The following RACK1 variants were observed in gnomAD, a reference collection of about 807,000 sequenced individuals.
RACK1 encodes the protein small ribosomal subunit protein RACK1.
Under a neutral mutation model 42.2 loss-of-function variants are expected in RACK1, and 3 were observed. The observed-to-expected ratio is 0.07, with a 90% CI of 0.03 to 0.18. The LOEUF is 0.18. Ranked by LOEUF, RACK1 falls within the 10% of genes least tolerant of loss-of-function variation. The pLI is 1.00. For synonymous variants in RACK1, 181 were observed against 154.8 expected, an observed-to-expected ratio of 1.17 and a Z score of -1.25; for missense variants, 146 against 403.2, an observed-to-expected ratio of 0.36 and a Z score of 5.46.
In RACK1 at chr5:181,236,941, G is replaced by GTTTTTT. The variant is rs11445317; in HGVS notation, c.*30_*35dup. Reference sequence around the variant, plus strand: ...AAAAACCTAAAAGTCAGAAAAGCCAGTTTTTTTTTTATTTGTAAAGCTCTG... The same window carrying GTTTTTT: ...AAAAACCTAAAAGTCAGAAAAGCCAGTTTTTTTTTTTTTTTTATTTGTAAAGCTCTG... On this transcript the variant is annotated 3_prime_UTR_variant, in exon 8 of 8. Transcript: ENST00000512805. 3 of 1,371,370 alleles carry GTTTTTT rather than the reference G, an allele frequency of 2.2e-6. No homozygotes were observed. Among genetic ancestry groups the GTTTTTT allele is most frequent in the African/African-American group, 1.4e-5 (1 of 68,978 alleles). The allele number at this position is 1,371,370 out of a possible 1,614,324, so 85.0% of individuals were successfully genotyped here.
In RACK1 at chr5:181,238,125, C is replaced by T; in HGVS notation, c.751G>A (p.Ala251Thr). ...CAGATCTTGATGCTGGGGCCTGTGG[C>T]AGCACACAGCCAGTAGCGGTTAGGG... Reference protein sequence around the residue: ...FSPNRYWLCAATGPSIKIWDL... With the variant: ...FSPNRYWLCATTGPSIKIWDL... Residue 251 changes from alanine to threonine, a missense_variant, in exon 6 of 8, where the codon GCC (alanine) becomes ACC (threonine). By Grantham distance (58) the Ala-to-Thr change is moderately conservative. Coordinates refer to ENST00000512805, the MANE Select transcript of RACK1 (RefSeq NM_006098.5). 6.2e-7 allele frequency: 1 copy of T among 1,614,212 alleles called. No homozygotes were observed. Among genetic ancestry groups the T allele is most frequent in the Non-Finnish European group, 8.5e-7 (1 of 1,180,024 alleles).
At chr5:181,237,542 T>C (rs764385125) in intron 7 of RACK1, 67 bp downstream of exon 7, 13 of 863,434 alleles carry the variant, frequency 1.5e-5, no homozygotes, top group Admixed American at 3.4e-5. Context: ...AGACTAGATA[T>C]ACTAACAGAA....
chr5:181,239,025 C>G lies in RACK1; in HGVS notation c.636+42G>C. ...CGCTGGCTAAGTGCTCCTTCCATGACGCTGTCTTCCACTGAGTAGGAGACG... is the reference window on the plus strand; with the variant it reads ...CGCTGGCTAAGTGCTCCTTCCATGAGGCTGTCTTCCACTGAGTAGGAGACG... On this transcript the variant is annotated intron_variant, in intron 5 of 7. Coordinates refer to ENST00000512805, the MANE Select transcript of RACK1 (RefSeq NM_006098.5). 5.5e-6 allele frequency: 7 copies of G among 1,271,474 alleles called. No homozygotes were observed. In the South Asian group the frequency reaches 8.3e-5, roughly 15 times the overall value. The allele number at this position is 1,271,474 out of a possible 1,614,324, so 78.8% of individuals were successfully genotyped here.
intron 7 of RACK1, 173 bp from the exon 8 acceptor site, chr5:181,237,215 A>T: frequency 1.6e-6 from 2 of 1,284,932 alleles, no homozygotes; most frequent in Non-Finnish European, 2.2e-6. Context: ...AGTTCAAGAG[A>T]TCCTCCCACC....
rs1759264919 is a variant in RACK1 at position 181,239,595 on chromosome 5, G to C, written c.430-13C>G. 4 of 1,585,870 alleles carry C rather than the reference G, an allele frequency of 2.5e-6. No homozygotes were observed. The highest frequency in any genetic ancestry group is 3.5e-6 in the Non-Finnish European group (4 of 1,154,636). ...AGTGGCTCTCATCCTACAGAAGATG[G>C]AAAGGAAATTAGGGCAAACAGTCCT... On this transcript the variant is annotated splice_polypyrimidine_tract_variant and intron_variant, in intron 3 of 7. Transcript: ENST00000512805.
At chr5:181,243,197 T>G in intron 1 of RACK1, 5 of 1,103,994 alleles carry the variant, frequency 4.5e-6, no homozygotes, top group East Asian at 5.8e-5. Flanking sequence ...CTAAACGCAG[T>G]CAGGAACACA....
chr5:181,237,417 C>T lies in RACK1; in HGVS notation c.888+192G>A. 4 of 681,484 alleles carry T rather than the reference C, an allele frequency of 5.9e-6. No individual in the cohort carries two copies. The East Asian group carries it at 1.1e-4, about 18-fold the overall frequency. 42.2% of individuals were successfully genotyped at this position (681,484 alleles called of 1,614,324 possible). On this transcript the variant is annotated intron_variant, in intron 7 of 7. Transcript: ENST00000512805. Reference sequence around the variant, plus strand: ...GAAGGCTGACAGCCACTGCGTTCCACATCAGTCTTCCCTCTGATGCAGAAA... The same window carrying T: ...GAAGGCTGACAGCCACTGCGTTCCATATCAGTCTTCCCTCTGATGCAGAAA...
chr5:181,237,168 G>C, intron 7 of RACK1, 126 bp from the exon 8 acceptor site: 1 of 1,527,362 alleles, frequency 6.5e-7, no homozygotes, highest in Non-Finnish European at 8.9e-7. Context: ...GGAGTGCAGG[G>C]GTGCGATCCT....
intron 1 of RACK1, 175 bp from the exon 2 acceptor site, chr5:181,242,520 C>A (rs1487186070): frequency 1.6e-5 from 11 of 683,806 alleles, no homozygotes; most frequent in Non-Finnish European, 2.4e-5. Context: ...TGGCTCTATT[C>A]CAGACTAAAA....
chr5:181,237,077 G>C, intron 7 of RACK1, 35 bp from the exon 8 acceptor site: 1 of 1,611,052 alleles, frequency 6.2e-7, no homozygotes, highest in Non-Finnish European at 8.5e-7. Context: ...AGGTCAGGCT[G>C]GCATAAATTC....
intron 7 of RACK1, 39 bp from the exon 8 acceptor site, chr5:181,237,081 T>A: frequency 6.2e-7 from 1 of 1,610,838 alleles, no homozygotes. Context: ...CAGGCTGGCA[T>A]AAATTCTGCA....
rs1442006573 is a variant in RACK1 at position 181,242,209 on chromosome 5, G to A, written c.246C>T (p.Ser82=). 6.2e-7 allele frequency: 1 copy of A among 1,613,872 alleles called. No homozygotes were observed. Among genetic ancestry groups the A allele is most frequent in the Non-Finnish European group, 8.5e-7 (1 of 1,179,982 alleles). The change falls in exon 2 of 8, where the codon TCC becomes TCT. Residue 82 remains serine (S), a synonymous_variant. Transcript: ENST00000512805. ...SSDGQFALSG[S]WDGTLRLWDL... is the part of the protein sequence containing the mutation. ...CCCAGAGGCGCAGGGTTCCATCCCA[G>A]GAGCCTGAGAGGGCAAACTGGCCAT...
At chr5:181,238,466 A>C in intron 5 of RACK1, 5 of 492,476 alleles carry the variant, frequency 1.0e-5, no homozygotes, top group East Asian at 7.4e-5. Flanking sequence ...AATCACTCCA[A>C]TCATTTCTGA....
intron 2 of RACK1, 116 bp from the exon 3 acceptor site, chr5:181,241,755 G>C (rs1281645336): frequency 8.6e-7 from 1 of 1,156,508 alleles, no homozygotes; most frequent in Non-Finnish European, 1.3e-6. Flanking sequence ...CCCTGGATTT[G>C]GCTCTGATCA....
Position 181,237,593 on chromosome 5 carries a change from G to A in RACK1, c.888+16C>T, listed in dbSNP as rs377665647. The A allele has an allele frequency of 2.0e-5, 27 of 1,348,008 alleles. No homozygotes were observed. The African/African-American group carries it at 3.4e-4, about 17-fold the overall frequency. 83.5% of individuals were successfully genotyped at this position (1,348,008 alleles called of 1,614,324 possible). ...TAACTGGAAGCAGAATCACCTGAGA[G>A]GACAGACCCACTTACCTGGCCATCA... is the stretch of plus-strand genomic sequence containing the variant. On this transcript the variant is annotated intron_variant, in intron 7 of 7. Coordinates refer to ENST00000512805, the MANE Select transcript of RACK1 (RefSeq NM_006098.5).
In RACK1 at chr5:181,242,334, T is replaced by C. The variant is rs1162126100; in HGVS notation, c.121A>G (p.Ile41Val). ...TCATCCCTGGTCAGTTTCCACATGA[T>C]GATGGTCTTATCTAAAGGAGGTAAA... ...ILSASRDKTIIMWKLTRDETN... is the reference protein window; with the variant it reads ...ILSASRDKTIVMWKLTRDETN... Residue 41 changes from isoleucine (I) to valine (V), a missense_variant, in exon 2 of 8, where the codon ATC becomes GTC. Physicochemically the swap from Ile to Val is conservative, Grantham distance 29. Transcript: ENST00000512805. 1 of 1,612,362 alleles carries C rather than the reference T, an allele frequency of 6.2e-7. No individual in the cohort carries two copies.
At chr5:181,237,920 A>T (rs754531982) in intron 6 of RACK1, 179 bp downstream of exon 6, 83 of 684,532 alleles carry the variant, frequency 1.2e-4, no homozygotes, top group Non-Finnish European at 1.9e-4. Flanking sequence ...ATGCTGCTAA[A>T]CATCCTGGAA....
intron 3 of RACK1, 93 bp from the exon 4 acceptor site, chr5:181,239,675 C>T (rs937833515): frequency 4.7e-5 from 35 of 747,296 alleles, no homozygotes; most frequent in Non-Finnish European, 7.1e-5. Context: ...TGATGGCTGG[C>T]AGCACCTTTC....
Position 181,242,277 on chromosome 5 carries a change from G to A in RACK1, c.178C>T (p.Arg60Trp). 1.2e-6 allele frequency: 2 copies of A among 1,613,560 alleles called. No homozygotes were observed. Among genetic ancestry groups the A allele is most frequent in the Non-Finnish European group, 8.5e-7 (1 of 1,179,440 alleles). ...TNYGIPQRAL[R>W]GHSHFVSDVV... The stretch of plus-strand genomic sequence containing the variant: ...TCACTAACAAAGTGGGAGTGACCCC[G>A]CAGAGCACGCTGTGGAATTCCATAG... The change falls in exon 2 of 8, where the codon CGG becomes TGG. Residue 60 changes from arginine (R) to tryptophan (W), a missense_variant. By Grantham distance (101) the Arg-to-Trp change is moderately radical. Transcript: ENST00000512805.
Sources: allele counts gnomAD v4.1 joint callset, GRCh38; gene constraint gnomAD v4.1.1; transcripts MANE v1.5; gene names NCBI Gene and HGNC (gene_info 2026-07-23, HGNC 2026-07-21).